Variants in CLASP1 observed in about 807,000 individuals in gnomAD.
The protein encoded by CLASP1 is CLIP-associating protein 1.
A neutral mutation model predicts 192.3 loss-of-function variants in CLASP1; 38 were observed. The ratio of observed to expected loss-of-function variants is 0.20; its 90% confidence interval spans 0.15 to 0.26. The LOEUF (loss-of-function observed/expected upper bound fraction) is 0.26, where lower values mean the gene tolerates loss of function less well. CLASP1 is among the 10% of genes least tolerant of loss of function. The pLI is 1.00. For synonymous variants in CLASP1, 691 were observed against 712.8 expected (o/e 0.97, Z 0.49); for missense variants, 1,433 against 1,932.5 (o/e 0.74, Z 4.85).
chr2:121,343,319 G>A (rs1223843333), intron 39 of CLASP1, among the ~76,000 whole-genome samples: 1 of 152,182 alleles, frequency 6.6e-6, no homozygotes, highest in East Asian at 1.9e-4. Flanking sequence ...CAATCTCTGT[G>A]GAAAACAGCA....
chr2:121,397,425 G>C, intron 29 of CLASP1, 142 bp from the exon 31 acceptor site: 1 of 696,702 alleles, frequency 1.4e-6, no homozygotes, highest in Non-Finnish European at 2.4e-6. Flanking sequence ...CACGTGGAGC[G>C]ACATCCAACA....
intron 37 of CLASP1, among the ~76,000 whole-genome samples, chr2:121,350,597 T>A (rs1173488692): frequency 6.6e-6 from 1 of 152,212 alleles, no homozygotes; most frequent in Non-Finnish European, 1.5e-5. Context: ...TCAGGGAGTG[T>A]GCATGAGTCC....
chr2:121,363,377 A>G, intron 36 of CLASP1, 77 bp from the exon 38 acceptor site: 1 of 1,569,154 alleles, frequency 6.4e-7, no homozygotes. Context: ...CAGGGTCGGC[A>G]AGGCCAAGCA....
At chr2:121,575,141 TCC>T in intron 2 of CLASP1, among the ~76,000 whole-genome samples, 1 of 151,888 alleles carries the variant, frequency 6.6e-6, no homozygotes, top group South Asian at 2.1e-4. Flanking sequence ...GAGACAAGTC[TCC>T]CTCTGTCTCC....
At chr2:121,587,314 T>C (rs923828246) in intron 2 of CLASP1, among the ~76,000 whole-genome samples, 1 of 152,208 alleles carries the variant, frequency 6.6e-6, no homozygotes, top group Non-Finnish European at 1.5e-5. Flanking sequence ...CAGGGAATCC[T>C]GCCCTCCCCC....
intron 2 of CLASP1, among the ~76,000 whole-genome samples, chr2:121,603,329 G>A (rs1218642073): frequency 6.6e-6 from 1 of 151,898 alleles, no homozygotes; most frequent in Non-Finnish European, 1.5e-5. Context: ...AAAAATGTTC[G>A]ACATCACTAA....
At chr2:121,625,054 G>A (rs1341525310) in intron 1 of CLASP1, among the ~76,000 whole-genome samples, 1 of 152,068 alleles carries the variant, frequency 6.6e-6, no homozygotes, top group Non-Finnish European at 1.5e-5. Flanking sequence ...TAAATTAATT[G>A]AGGCTTGTTT....
chr2:121,591,162 G>A (rs888801505), intron 2 of CLASP1, among the ~76,000 whole-genome samples: 1 of 147,166 alleles, frequency 6.8e-6, no homozygotes, highest in African/African-American at 2.7e-5. Flanking sequence ...CACTGCGTCC[G>A]GCCAAATTAT....
chr2:121,449,294 A>G (rs1255153122), intron 16 of CLASP1, among the ~76,000 whole-genome samples, 174 bp from the exon 17 acceptor site: 2 of 152,170 alleles, frequency 1.3e-5, no homozygotes, highest in Non-Finnish European at 2.9e-5. Context: ...TGGCCTCACA[A>G]TTTTACTGTC....
intron 20 of CLASP1, among the ~76,000 whole-genome samples, chr2:121,427,863 G>A (rs2080715831): frequency 6.6e-6 from 1 of 152,064 alleles, no homozygotes; most frequent in Non-Finnish European, 1.5e-5. Context: ...TTTAAAATAT[G>A]CCAATTATTA....
At chr2:121,445,034 C>T (rs779014030) in intron 19 of CLASP1, 113 of 970,022 alleles carry the variant, frequency 1.2e-4, no homozygotes, top group East Asian at 3.3e-4. Flanking sequence ...ATTAAAAAGC[C>T]GAATGTTATT....
intron 2 of CLASP1, among the ~76,000 whole-genome samples, chr2:121,571,108 C>G (rs958500601): frequency 1.3e-5 from 2 of 151,594 alleles, no homozygotes; most frequent in Non-Finnish European, 2.9e-5. Context: ...CACAAAAGGC[C>G]ACCTCAAATA....
At chr2:121,590,692 A>G (rs757646290) in intron 2 of CLASP1, among the ~76,000 whole-genome samples, 5 of 152,176 alleles carry the variant, frequency 3.3e-5, no homozygotes, top group Non-Finnish European at 7.3e-5. Context: ...ACAAATTATT[A>G]TCATTTGCAA....
intron 19 of CLASP1, among the ~76,000 whole-genome samples, chr2:121,444,475 A>G (rs893580174): frequency 6.6e-6 from 1 of 152,244 alleles, no homozygotes; most frequent in African/African-American, 2.4e-5. Context: ...GGAAATGTTT[A>G]CCAGCCTTTA....
chr2:121,355,970 C>G (rs1226359704), intron 37 of CLASP1, among the ~76,000 whole-genome samples: 1 of 152,212 alleles, frequency 6.6e-6, no homozygotes, highest in Non-Finnish European at 1.5e-5. Flanking sequence ...CTAAGAAAAG[C>G]GTAATTTTCA....
At chr2:121,349,675 G>A (rs1434938744) in intron 37 of CLASP1, among the ~76,000 whole-genome samples, 1 of 152,180 alleles carries the variant, frequency 6.6e-6, no homozygotes, top group Non-Finnish European at 1.5e-5. Flanking sequence ...CTGGAAAGTT[G>A]CTTTTCTAGG....
chr2:121,351,059 G>A (rs1328248307), intron 37 of CLASP1, among the ~76,000 whole-genome samples: 1 of 152,180 alleles, frequency 6.6e-6, no homozygotes, highest in Non-Finnish European at 1.5e-5. Context: ...TGGCAGGGCA[G>A]TGCACTTGAG....
At chr2:121,532,877 G>T (rs1451099977) in intron 2 of CLASP1, among the ~76,000 whole-genome samples, 1 of 152,058 alleles carries the variant, frequency 6.6e-6, no homozygotes, top group Non-Finnish European at 1.5e-5. Context: ...CTGTAAAAAA[G>T]TTTATTTTTT....
chr2:121,531,082 A>T (rs781743326), intron 2 of CLASP1: 2 of 677,822 alleles, frequency 3.0e-6, no homozygotes, highest in Non-Finnish European at 2.7e-6. Context: ...TTGTGGTTAA[A>T]CCAGTAGAGG....
Sources: gnomAD v4.1 joint callset for allele counts (sites outside exome capture counted in the v4.1 genomes callset) on GRCh38, gnomAD v4.1.1 for gene constraint, MANE v1.5 for transcripts, NCBI Gene and HGNC (gene_info 2026-07-23, HGNC 2026-07-21) for gene names.